The following EFHB variants were observed in gnomAD, a reference collection of about 807,000 sequenced individuals.
The protein encoded by EFHB is EF-hand domain-containing family member B.
In EFHB, 91 loss-of-function variants were observed where a neutral mutation model predicts 87.2. The observed-to-expected ratio is 1.04, with a 90% CI of 0.88 to 1.24. EFHB has a LOEUF of 1.24. Among genes scored for constraint, EFHB ranks in the 50% most tolerant of loss-of-function variants. EFHB has a pLI of 0.00. For missense variants in EFHB, 1,084 were observed against 998.8 expected (o/e 1.09, Z -1.15); for synonymous variants, 325 against 333.6 (o/e 0.97, Z 0.28).
intron 1 of EFHB, among the ~76,000 whole-genome samples, chr3:19,939,611 C>T (rs1179794384): frequency 1.3e-5 from 2 of 152,012 alleles, no homozygotes; most frequent in East Asian, 1.9e-4. Context: ...GTCTCTATCT[C>T]CTGACCTCGT....
At chr3:19,920,313 A>G (rs1695393313) in intron 2 of EFHB, among the ~76,000 whole-genome samples, 192 bp downstream of exon 2, 2 of 152,200 alleles carry the variant, frequency 1.3e-5, no homozygotes, top group South Asian at 4.1e-4. Context: ...ATCCCTGTAG[A>G]GCTAGAAATT....
rs528224808 is a variant in EFHB at position 19,902,732 on chromosome 3, A to T, written c.1418+2888T>A. ...AAATTTACATTAAATCGTGCATATA[A>T]AATTAGATGCCTCAAAATGTAGACT... On this transcript the variant is annotated intron_variant, in intron 6 of 12. Coordinates refer to ENST00000295824, the MANE Select transcript of EFHB (RefSeq NM_144715.4). 3.3e-5 allele frequency among the ~76,000 whole-genome samples: 5 copies of T among 152,318 alleles called. No homozygotes were observed. In the East Asian group the frequency reaches 9.7e-4, roughly 29 times the overall value.
At chr3:19,909,006 C>T (rs1042343285) in intron 5 of EFHB, among the ~76,000 whole-genome samples, 4 of 151,368 alleles carry the variant, frequency 2.6e-5, no homozygotes, top group Admixed American at 2.0e-4. Flanking sequence ...CTGATCATGT[C>T]CCAGTCCCGT....
In EFHB at chr3:19,915,394, C is replaced by A. The variant is rs201005662; in HGVS notation, c.1197G>T (p.Val399=). Residue 399 remains valine (V), a synonymous_variant, in exon 5 of 13, where the codon GTG becomes GTT. Transcript: ENST00000295824. ...AVIKEYSAKD[V]VNPPKSYEEV... ...CTTCATAGGATTTTGGTGGATTCAC[C>A]ACATCTTTAGCAGAGTATTCTGAAG... 2 of 1,610,998 alleles carry A rather than the reference C, an allele frequency of 1.2e-6. No individual in the cohort carries two copies. The highest frequency in any genetic ancestry group is 2.7e-5 in the African/African-American group (2 of 74,882).
chr3:19,895,207 C>T (rs1165370177), intron 9 of EFHB, among the ~76,000 whole-genome samples: 1 of 151,416 alleles, frequency 6.6e-6, no homozygotes, highest in Non-Finnish European at 1.5e-5. Context: ...TTGGGCCAGG[C>T]GCGGTGGCTC....
chr3:19,912,872 A>G (rs543853258), intron 5 of EFHB, among the ~76,000 whole-genome samples: 1 of 152,310 alleles, frequency 6.6e-6, no homozygotes, highest in East Asian at 1.9e-4. Flanking sequence ...AGTATTTTTC[A>G]GCATATGCAA....
chr3:19,933,512 C>G lies in EFHB; in HGVS notation c.507G>C (p.Gln169His). Reference protein sequence around the residue: ...GKPAFVMEPRQEMEKESTCVL... With the variant: ...GKPAFVMEPRHEMEKESTCVL... ...CACAGGTAGACTCTTTTTCCATTTC[C>G]TGTCTTGGTTCCATAACGAAAGCAG... The change falls in exon 1 of 13, where the codon CAG (glutamine) becomes CAC (histidine). Residue 169 changes from glutamine (Q) to histidine (H), a missense_variant. By Grantham distance (24) the Gln-to-His change is conservative. Coordinates refer to ENST00000295824, the MANE Select transcript of EFHB (RefSeq NM_144715.4). 1 of 1,613,952 alleles carries G rather than the reference C, an allele frequency of 6.2e-7. No individual in the cohort carries two copies. Among genetic ancestry groups the G allele is most frequent in the African/African-American group, 1.3e-5 (1 of 75,034 alleles).
At chr3:19,935,322 A>G (rs146344721), upstream of EFHB, among the ~76,000 whole-genome samples, 39 of 152,270 alleles carry the variant, frequency 2.6e-4, no homozygotes, top group African/African-American at 9.1e-4. Flanking sequence ...TTTTTTTTAA[A>G]TTGAGGTTTC....
chr3:19,905,491 T>C, intron 6 of EFHB, 129 bp downstream of exon 6: 1 of 1,086,208 alleles, frequency 9.2e-7, no homozygotes, highest in South Asian at 1.8e-5. Context: ...TTTTTTCTAT[T>C]TTTTTCTAGT....
rs1234913639 is a variant in EFHB at position 19,899,458 on chromosome 3, T to C, written c.1476A>G (p.Gln492=). Reference sequence around the variant, plus strand: ...GATCTAAAACTCTTCCAAGTTTATGTTGAAACTTTTCTTTGAAATCATCTG... The same window carrying C: ...GATCTAAAACTCTTCCAAGTTTATGCTGAAACTTTTCTTTGAAATCATCTG... The part of the protein sequence containing the change: ...KRADDFKEKF[Q]HKLGRVLDPI... The change falls in exon 7 of 13, where the codon CAA becomes CAG. Residue 492 remains glutamine (Q), a synonymous_variant. Coordinates refer to ENST00000295824, the MANE Select transcript of EFHB (RefSeq NM_144715.4). The C allele has an allele frequency of 2.5e-6, 4 of 1,605,428 alleles. No individual in the cohort carries two copies. The African/African-American group carries it at 4.0e-5, about 16-fold the overall frequency.
At chr3:19,934,628 T>C (rs908307774), upstream of EFHB, among the ~76,000 whole-genome samples, 44 of 152,140 alleles carry the variant, frequency 2.9e-4, no homozygotes, top group Non-Finnish European at 5.3e-4. Context: ...TTCTCTGGTT[T>C]CCCAAGCAAC....
At chr3:19,919,215 G>C (rs1695350078) in intron 3 of EFHB, among the ~76,000 whole-genome samples, 1 of 151,536 alleles carries the variant, frequency 6.6e-6, no homozygotes, top group South Asian at 2.1e-4. Flanking sequence ...GTTTGTTTTT[G>C]AGATGGAGTT....
At chr3:19,909,181 T>C (rs927313046) in intron 5 of EFHB, among the ~76,000 whole-genome samples, 10 of 149,726 alleles carry the variant, frequency 6.7e-5, no homozygotes, top group Non-Finnish European at 1.5e-5. Flanking sequence ...GAAAAAATAG[T>C]TTTGAATCAC....
At chr3:19,893,159 C>T in intron 9 of EFHB, among the ~76,000 whole-genome samples, 1 of 152,060 alleles carries the variant, frequency 6.6e-6, no homozygotes, top group East Asian at 1.9e-4. Context: ...CCATGTTGGT[C>T]AGGCTGGTCT....
At chr3:19,937,480 G>C (rs1199028761), upstream of EFHB, among the ~76,000 whole-genome samples, 1 of 152,034 alleles carries the variant, frequency 6.6e-6, no homozygotes, top group Non-Finnish European at 1.5e-5. Flanking sequence ...GGAGAGCACC[G>C]AGATCATCAG....
In EFHB at chr3:19,885,623, G is replaced by T. The variant is rs116710331; in HGVS notation, c.1934-1008C>A. On this transcript the variant is annotated intron_variant, in intron 10 of 12. Transcript: ENST00000295824. Reference sequence around the variant, plus strand: ...TCTTTAGAAAAATTCTAAAGGTTCTGGGGGAGCCCAAGTAAGGGTTGCAAA... The same window carrying T: ...TCTTTAGAAAAATTCTAAAGGTTCTTGGGGAGCCCAAGTAAGGGTTGCAAA... 9.6e-3 allele frequency among the ~76,000 whole-genome samples: 1,468 copies of T among 152,194 alleles called. 17 individuals carry two copies. Among genetic ancestry groups the T allele is most frequent in the African/African-American group, 0.034 (1,394 of 41,552 alleles).
chr3:19,885,294 G>A (rs1409410531), intron 10 of EFHB, among the ~76,000 whole-genome samples: 2 of 152,076 alleles, frequency 1.3e-5, no homozygotes, highest in Non-Finnish European at 2.9e-5. Flanking sequence ...ATGCACTAGG[G>A]AGAAATAAGA....
At chr3:19,939,079 G>A (rs573706957), upstream of EFHB, among the ~76,000 whole-genome samples, 60 of 151,552 alleles carry the variant, frequency 4.0e-4, no homozygotes, top group African/African-American at 1.4e-3. Context: ...GCTAATTTTT[G>A]TACTTTCAGT....
At chr3:19,899,775 T>A (rs1313578877) in intron 6 of EFHB, among the ~76,000 whole-genome samples, 1 of 152,204 alleles carries the variant, frequency 6.6e-6, no homozygotes, top group Non-Finnish European at 1.5e-5. Flanking sequence ...ATATCACTAT[T>A]GTAAGTGTAG....
Sources: gnomAD v4.1 joint callset for allele counts (sites outside exome capture counted in the v4.1 genomes callset) on GRCh38, gnomAD v4.1.1 for gene constraint, MANE v1.5 for transcripts, NCBI Gene and HGNC (gene_info 2026-07-23, HGNC 2026-07-21) for gene names.